DNMT3A: variants seen among roughly 807,000 people sequenced by gnomAD.
The protein encoded by DNMT3A is DNA (cytosine-5)-methyltransferase 3A.
A neutral mutation model predicts 117.6 loss-of-function variants in DNMT3A; 267 were observed. The ratio of observed to expected loss-of-function variants is 2.27; its 90% CI spans 2.05 to 2.51. DNMT3A has a LOEUF of 2.51. DNMT3A is among the 30% of genes most tolerant of loss of function. DNMT3A has a pLI of 0.00. For synonymous variants in DNMT3A, 432 were observed against 474.8 expected (o/e 0.91, Z 1.17); for missense variants, 1,029 against 1,260.2 (o/e 0.82, Z 2.78).
Position 25,339,045 on chromosome 2 carries a change from G to C in DNMT3A, c.-178+2781C>G, listed in dbSNP as rs188025253. Among the ~76,000 whole-genome samples, 60 of 152,136 alleles carry C rather than the reference G, an allele frequency of 3.9e-4. No homozygotes were observed. Among genetic ancestry groups the C allele is most frequent in the African/African-American group, 1.4e-3 (58 of 41,500 alleles). On this transcript the variant is annotated intron_variant, in intron 1 of 22. Transcript: ENST00000321117. This position sits in a 1 kb window ranked among gnomAD's most constrained non-coding sequence, Gnocchi z 4.9. ...ACGTGACCAACCCGTCTCTTGCAGG[G>C]ACCCTCCTCACACTGCCTCTCCTTC...
chr2:25,242,073 A>G, intron 16 of DNMT3A: 1 of 248,406 alleles, frequency 4.0e-6, no homozygotes, highest in South Asian at 5.3e-5. Flanking sequence ...TCCTGCTACA[A>G]TTCTACCCCA....
At chr2:25,280,819 A>C (rs2031836705) in intron 4 of DNMT3A, among the ~76,000 whole-genome samples, 1 of 152,188 alleles carries the variant, frequency 6.6e-6, no homozygotes, top group African/African-American at 2.4e-5. Context: ...GAACAGCTAG[A>C]AATGGAAGTA....
chr2:25,241,918 T>C, intron 16 of DNMT3A: 1 of 596,812 alleles, frequency 1.7e-6, no homozygotes. Flanking sequence ...TCGTTTGGCC[T>C]ATCTGGAAGG....
Position 25,308,570 on chromosome 2 carries a change from C to T in DNMT3A, c.72+5343G>A, listed in dbSNP as rs570084417. Among the ~76,000 whole-genome samples, 6 of 152,266 alleles carry T rather than the reference C, an allele frequency of 3.9e-5. No homozygotes were observed. In the South Asian group the frequency reaches 1.0e-3, roughly 26 times the overall value. Reference sequence around the variant, plus strand: ...ACGCCCAACCCTCTCCTAACTCCCCCGAGATCAGAGTGAGCGCGCCATTAT... The same window carrying T: ...ACGCCCAACCCTCTCCTAACTCCCCTGAGATCAGAGTGAGCGCGCCATTAT... On this transcript the variant is annotated intron_variant, in intron 2 of 22. Coordinates refer to ENST00000321117, the MANE Select transcript of DNMT3A (RefSeq NM_022552.5).
Position 25,337,414 on chromosome 2 carries a change from G to A in DNMT3A, c.-178+4412C>T, listed in dbSNP as rs982817611. On this transcript the variant is annotated intron_variant, in intron 1 of 22. Coordinates refer to ENST00000321117, the MANE Select transcript of DNMT3A (RefSeq NM_022552.5). The surrounding 1 kb of genome is among the most constrained non-coding windows in gnomAD (Gnocchi z 5.0). ...GCTCCCGCTCCTCTAAGGCTGTAAC[G>A]CACATGATCTCACTCCATCCTCACA... is the stretch of plus-strand genomic sequence containing the variant. 3.3e-5 allele frequency among the ~76,000 whole-genome samples: 5 copies of A among 152,168 alleles called. No homozygotes were observed. Among genetic ancestry groups the A allele is most frequent in the South Asian group, 2.1e-4 (1 of 4,832 alleles).
intron 3 of DNMT3A, among the ~76,000 whole-genome samples, chr2:25,295,408 G>A (rs2033031735): frequency 6.6e-6 from 1 of 152,258 alleles, no homozygotes; most frequent in South Asian, 2.1e-4. Context: ...GGCCAGTGCT[G>A]CAGACAACTA....
chr2:25,278,042 C>CACACACAG (rs150400657), intron 4 of DNMT3A, among the ~76,000 whole-genome samples: 28 of 146,396 alleles, frequency 1.9e-4, no homozygotes, highest in African/African-American at 4.9e-4. Context: ...CACACACAGA[C>CACACACAG]ACACACGCTT....
At chr2:25,270,123 C>G (rs1465752525) in intron 6 of DNMT3A, among the ~76,000 whole-genome samples, 2 of 152,262 alleles carry the variant, frequency 1.3e-5, no homozygotes, top group African/African-American at 4.8e-5. Flanking sequence ...TTTCTGCCCA[C>G]ACCCGCTGTG....
rs1227098801 is a variant in DNMT3A at position 25,298,499 on chromosome 2, G to T, written c.177+1640C>A. ...GTGGTGGCTCTTGTCCTCAGAAACT[G>T]GACGGGGACAGGGGGAGTTTGCTTA... On this transcript the variant is annotated intron_variant, in intron 3 of 22. Coordinates refer to ENST00000321117, the MANE Select transcript of DNMT3A (RefSeq NM_022552.5). This position sits in a 1 kb window ranked among gnomAD's most constrained non-coding sequence, Gnocchi z 4.3. 6.6e-6 allele frequency among the ~76,000 whole-genome samples: 1 copy of T among 152,194 alleles called. No homozygotes were observed. Among genetic ancestry groups the T allele is most frequent in the Non-Finnish European group, 1.5e-5 (1 of 68,040 alleles).
Position 25,246,612 on chromosome 2 carries a change from T to C in DNMT3A, c.1279+8A>G, listed in dbSNP as rs1411126521. 9 of 1,605,028 alleles carry C rather than the reference T, an allele frequency of 5.6e-6. No homozygotes were observed. Among genetic ancestry groups the C allele is most frequent in the Non-Finnish European group, 7.7e-6 (9 of 1,174,930 alleles). The stretch of plus-strand genomic sequence containing the variant: ...AGGGGTCCCAGAAAGCTGGGTGCCC[T>C]CATTTACCTTCTGGTGGCTCCAGGC... On this transcript the variant is annotated splice_region_variant and intron_variant, in intron 10 of 22. Transcript: ENST00000321117.
At chr2:25,269,952 G>A (rs2030717610) in intron 6 of DNMT3A, among the ~76,000 whole-genome samples, 1 of 152,200 alleles carries the variant, frequency 6.6e-6, no homozygotes, top group Admixed American at 6.5e-5. Context: ...TCCAACAAGG[G>A]TGGGCAAGGA....
At position 25,296,435 on chromosome 2, in the gene DNMT3A, A is replaced by G. The variant is rs2149400297; in HGVS notation, c.177+3704T>C. Among the ~76,000 whole-genome samples the G allele has an allele frequency of 6.6e-6, 1 of 152,308 alleles. No homozygotes were observed. The highest frequency in any genetic ancestry group is 3.4e-3 in the Middle Eastern group (1 of 294). ...CCAAAGGGGTGGCATCAGGCATAGC[A>G]GGGAAAGGAGTGGTCAGATGGTGAG... On this transcript the variant is annotated intron_variant, in intron 3 of 22. Transcript: ENST00000321117. The surrounding 1 kb of genome is among the most constrained non-coding windows in gnomAD (Gnocchi z 4.2).
rs1032910834 is a variant in DNMT3A, at chr2:25,240,370, A to AT, written c.2253_2254insA (p.Phe752IlefsTer5). The AT allele has an allele frequency of 6.2e-7, 1 of 1,613,998 alleles. No homozygotes were observed. The highest frequency in any genetic ancestry group is 1.3e-5 in the African/African-American group (1 of 74,930). On this transcript the variant is annotated frameshift_variant, in exon 19 of 23. Coordinates refer to ENST00000321117, the MANE Select transcript of DNMT3A (RefSeq NM_022552.5). LOFTEE classifies it high-confidence loss of function. Reference sequence around the variant, plus strand: ...GCCACCACATTCTCAAAGAGCCAGAAGAAGGGGCGATCATCTCCCTCCTTG... The same window carrying AT: ...GCCACCACATTCTCAAAGAGCCAGAATGAAGGGGCGATCATCTCCCTCCTTG...
rs2035343905 is a variant in DNMT3A at position 25,339,836 on chromosome 2, A to T, written c.-178+1990T>A. ...CCAGTCCTAACACCCAGGCAATAGC[A>T]AGGCGAATAGCTCCCCTGGCTGCAG... On this transcript the variant is annotated intron_variant, in intron 1 of 22. Transcript: ENST00000321117. This position sits in a 1 kb window ranked among gnomAD's most constrained non-coding sequence, Gnocchi z 4.9. Among the ~76,000 whole-genome samples the T allele has an allele frequency of 6.6e-6, 1 of 152,212 alleles. No individual in the cohort carries two copies. Among genetic ancestry groups the T allele is most frequent in the South Asian group, 2.1e-4 (1 of 4,830 alleles).
At chr2:25,316,543 A>G (rs2034389039) in intron 1 of DNMT3A, among the ~76,000 whole-genome samples, 2 of 151,992 alleles carry the variant, frequency 1.3e-5, no homozygotes, top group African/African-American at 4.8e-5. Context: ...GTACTACACA[A>G]CCCTAGGGGG....
chr2:25,235,597 C>T, intron 22 of DNMT3A, 110 bp downstream of exon 22: 1 of 844,506 alleles, frequency 1.2e-6, no homozygotes, highest in Non-Finnish European at 2.0e-6. Flanking sequence ...CCCACTGTTC[C>T]CAGGACGTTT....
rs180784060 is a variant in DNMT3A at position 25,247,546 on chromosome 2, A to C, written c.1014+45T>G. 1.9e-6 allele frequency: 3 copies of C among 1,600,184 alleles called. No homozygotes were observed. The African/African-American group carries it at 4.0e-5, about 21-fold the overall frequency. On this transcript the variant is annotated intron_variant, in intron 8 of 22. Coordinates refer to ENST00000321117, the MANE Select transcript of DNMT3A (RefSeq NM_022552.5). The surrounding 1 kb of genome is among the most constrained non-coding windows in gnomAD (Gnocchi z 5.6). ...GCCAAAACCACAGGCCCTGGGATCA[A>C]GAACCTTCCCCCACCCCAGGCTACT...
chr2:25,321,041 G>A (rs1245598673), intron 1 of DNMT3A, among the ~76,000 whole-genome samples: 2 of 152,028 alleles, frequency 1.3e-5, no homozygotes, highest in African/African-American at 2.4e-5. Context: ...GCTGAGGCAG[G>A]AGAATCACTT....
rs1488534319 is a variant in DNMT3A, at chr2:25,298,039, C to G, written c.177+2100G>C. ...AGGTTTGGCCAGGCGGGGGCAGGCC[C>G]GACCTTTGCTGAGGCTCCTTGGTGC... On this transcript the variant is annotated intron_variant, in intron 3 of 22. Coordinates refer to ENST00000321117, the MANE Select transcript of DNMT3A (RefSeq NM_022552.5). This position sits in a 1 kb window ranked among gnomAD's most constrained non-coding sequence, Gnocchi z 4.3. Among the ~76,000 whole-genome samples the G allele has an allele frequency of 6.6e-6, 1 of 152,252 alleles. No homozygotes were observed. The highest frequency in any genetic ancestry group is 2.4e-5 in the African/African-American group (1 of 41,466).
Sources: allele counts gnomAD v4.1 joint callset (sites outside exome capture counted in the v4.1 genomes callset), GRCh38; gene constraint gnomAD v4.1.1; non-coding constraint Gnocchi (gnomAD v3.1); transcripts MANE v1.5; gene names NCBI Gene and HGNC (gene_info 2026-07-23, HGNC 2026-07-21).